Variants in AADAT observed in about 807,000 individuals in gnomAD.
The protein encoded by AADAT is kynurenine/alpha-aminoadipate aminotransferase, mitochondrial.
A neutral mutation model predicts 56.2 loss-of-function variants in AADAT; 25 were observed. The observed-to-expected ratio is 0.44, with a 90% CI of 0.32 to 0.62. The LOEUF is 0.62. Among genes scored for constraint, AADAT ranks in the 20% least tolerant of loss-of-function variants. The probability of loss-of-function intolerance (pLI) is 0.04; values close to 1 mark genes in which losing one functional copy is unlikely to be tolerated. For synonymous variants in AADAT, 173 were observed against 164.7 expected, an observed-to-expected ratio of 1.05 and a Z score of -0.39; for missense variants, 387 against 510.5, an observed-to-expected ratio of 0.76 and a Z score of 2.33.
At chr4:170,076,718 T>TGA (rs1732054415) in intron 4 of AADAT, among the ~76,000 whole-genome samples, 2 of 152,226 alleles carry the variant, frequency 1.3e-5, no homozygotes, top group Non-Finnish European at 2.9e-5. Flanking sequence ...CACTTTTAAA[T>TGA]CTTCAAGTTC....
upstream of AADAT, among the ~76,000 whole-genome samples, chr4:170,092,261 C>T (rs890410090): frequency 2.0e-5 from 3 of 152,246 alleles, no homozygotes; most frequent in Non-Finnish European, 2.9e-5. Flanking sequence ...GTCCACATTG[C>T]TTTTATGAGT....
chr4:170,070,562 GA>G, intron 6 of AADAT, 24 bp downstream of exon 6: 1 of 1,529,602 alleles, frequency 6.5e-7, no homozygotes, highest in South Asian at 1.2e-5. Flanking sequence ...TTCTAATAGT[GA>G]AGTAAGTTCA....
In AADAT at chr4:170,073,119, C is replaced by T. The variant is rs373969473; in HGVS notation, c.654+17G>A. On this transcript the variant is annotated intron_variant, in intron 5 of 12. Transcript: ENST00000337664. Reference sequence around the variant, plus strand: ...GAAACAGGAACACAACTACTTTAACCCATTCTTCTACAATACCTCATAGAT... The same window carrying T: ...GAAACAGGAACACAACTACTTTAACTCATTCTTCTACAATACCTCATAGAT... The T allele has an allele frequency of 8.1e-6, 13 of 1,611,456 alleles. No homozygotes were observed. The African/African-American group carries it at 1.7e-4, about 22-fold the overall frequency.
At chr4:170,061,640 G>A (rs1209682124) in intron 12 of AADAT, among the ~76,000 whole-genome samples, 3 of 152,128 alleles carry the variant, frequency 2.0e-5, no homozygotes, top group Non-Finnish European at 2.9e-5. Context: ...GACAATTTAC[G>A]CAGCTCAGTA....
intron 3 of AADAT, among the ~76,000 whole-genome samples, chr4:170,083,118 C>G (rs1245618015): frequency 1.3e-5 from 2 of 151,286 alleles, no homozygotes; most frequent in African/African-American, 4.9e-5. Flanking sequence ...AATGAAGAGT[C>G]TGCAGAACAG....
rs766683086 is a variant in AADAT at position 170,062,011 on chromosome 4, A to G, written c.1135-18T>C. 6.4e-7 allele frequency: 1 copy of G among 1,564,920 alleles called. No individual in the cohort carries two copies. Among genetic ancestry groups the G allele is most frequent in the African/African-American group, 1.4e-5 (1 of 73,856 alleles). ...ATTAATACCTAAGAGAGTTTGTGGAAGATAAGTAATGTACCACTAAAGAAA... is the reference window on the plus strand; with the variant it reads ...ATTAATACCTAAGAGAGTTTGTGGAGGATAAGTAATGTACCACTAAAGAAA... On this transcript the variant is annotated intron_variant, in intron 11 of 12. Transcript: ENST00000337664.
At chr4:170,073,402 G>GT in intron 4 of AADAT, 57 bp from the exon 5 acceptor site, 1 of 1,377,472 alleles carries the variant, frequency 7.3e-7, no homozygotes, top group Non-Finnish European at 9.5e-7. Flanking sequence ...AAGTGCTATT[G>GT]GTTTTTTTTT....
At chr4:170,079,735 C>T (rs1033188725) in intron 3 of AADAT, among the ~76,000 whole-genome samples, 1 of 152,150 alleles carries the variant, frequency 6.6e-6, no homozygotes, top group African/African-American at 2.4e-5. Context: ...GTGCCATTCA[C>T]TGAAACACAT....
At chr4:170,072,620 A>G (rs2466990) in intron 5 of AADAT, among the ~76,000 whole-genome samples, 85,270 of 152,018 alleles carry the variant, frequency 0.56, 25,526 homozygotes, top group East Asian at 0.96. Context: ...CTTTCCAAAA[A>G]GCACATTTCT....
chr4:170,083,984 T>C (rs1732435160), intron 3 of AADAT, among the ~76,000 whole-genome samples: 1 of 152,150 alleles, frequency 6.6e-6, no homozygotes, highest in African/African-American at 2.4e-5. Flanking sequence ...GGAACCAACC[T>C]AAGTGTCCAT....
rs1235619186 is a variant in AADAT at position 170,064,733 on chromosome 4, C to T, written c.1120G>A (p.Ala374Thr). 2 of 1,606,814 alleles carry T rather than the reference C, an allele frequency of 1.2e-6. No homozygotes were observed. The highest frequency in any genetic ancestry group is 1.7e-6 in the Non-Finnish European group (2 of 1,178,394). ...NDVKELIEEK[A>T]VKMGVLMLPG... Reference sequence around the variant, plus strand: ...CCCAGTTTTACCCCCATCTTAACGGCCTTTTCTTCAATCAGTTCTTTTACA... The same window carrying T: ...CCCAGTTTTACCCCCATCTTAACGGTCTTTTCTTCAATCAGTTCTTTTACA... Residue 374 changes from alanine to threonine, a missense_variant, in exon 11 of 13, where the codon GCC becomes ACC. Transcript: ENST00000337664.
rs116776885 is a variant in AADAT at position 170,067,069 on chromosome 4, C to G, written c.962+258G>C. On this transcript the variant is annotated intron_variant, in intron 9 of 12. Coordinates refer to ENST00000337664, the MANE Select transcript of AADAT (RefSeq NM_016228.4). ...CATTACATCATTTAAGTAAGTAAAT[C>G]TTAACCTGGTGGGAATTTTGGACTA... 6.2e-3 allele frequency among the ~76,000 whole-genome samples: 950 copies of G among 152,232 alleles called. 12 individuals carry two copies. The highest frequency in any genetic ancestry group is 0.021 in the African/African-American group (893 of 41,542).
chr4:170,067,249 T>C, intron 9 of AADAT, 78 bp downstream of exon 9: 2 of 1,060,752 alleles, frequency 1.9e-6, no homozygotes, highest in Non-Finnish European at 2.8e-6. Context: ...GAAGAATAAA[T>C]CAATACTGTA....
chr4:170,075,195 C>A (rs569489802), intron 4 of AADAT, among the ~76,000 whole-genome samples: 35 of 152,138 alleles, frequency 2.3e-4, no homozygotes, highest in Admixed American at 5.2e-4. Context: ...TATGTAGACA[C>A]CGGTTTTACA....
At position 170,068,654 on chromosome 4, in the gene AADAT, G is replaced by A. The variant is rs1205713393; in HGVS notation, c.837C>T (p.Pro279=). 2 of 1,607,144 alleles carry A rather than the reference G, an allele frequency of 1.2e-6. No individual in the cohort carries two copies. Among genetic ancestry groups the A allele is most frequent in the African/African-American group, 2.7e-5 (2 of 74,462 alleles). ...TGTGTAAAATAACTCTCTCTATTAA[G>A]GGTTTTGGACCAGTTAAAAATCCTA... ...LRIGFLTGPK[P]LIERVILHIQ... The change falls in exon 8 of 13, where the codon CCC becomes CCT. Residue 279 remains proline, a synonymous_variant. Coordinates refer to ENST00000337664, the MANE Select transcript of AADAT (RefSeq NM_016228.4).
chr4:170,092,469 C>G (rs538527971), upstream of AADAT, among the ~76,000 whole-genome samples: 3 of 152,236 alleles, frequency 2.0e-5, no homozygotes, highest in Non-Finnish European at 4.4e-5. Context: ...ATCCGAACCT[C>G]AGAAGGAACA....
At position 170,066,077 on chromosome 4, in the gene AADAT, T is replaced by C. The variant is rs1342494433; in HGVS notation, c.1027+337A>G. Among the ~76,000 whole-genome samples the C allele has an allele frequency of 2.6e-5, 4 of 152,154 alleles. No individual in the cohort carries two copies. In the East Asian group the frequency reaches 5.8e-4, roughly 22 times the overall value. On this transcript the variant is annotated intron_variant, in intron 10 of 12. Transcript: ENST00000337664. ...TTTGTACAGCTTAGTTAGAGAAGCA[T>C]GGTTTGACAATTTTACCCTTTGGGG...
chr4:170,069,282 T>C, intron 6 of AADAT, 52 bp from the exon 7 acceptor site: 1 of 1,440,572 alleles, frequency 6.9e-7, no homozygotes, highest in East Asian at 2.3e-5. Flanking sequence ...TGTTAGTCAC[T>C]GTACGATTAT....
intron 5 of AADAT, among the ~76,000 whole-genome samples, chr4:170,071,851 G>A (rs1043609941): frequency 6.6e-6 from 1 of 152,140 alleles, no homozygotes; most frequent in African/African-American, 2.4e-5. Flanking sequence ...TGGGGGATGG[G>A]GGGCAAAGGA....
Sources: allele counts gnomAD v4.1 joint callset (sites outside exome capture counted in the v4.1 genomes callset), GRCh38; gene constraint gnomAD v4.1.1; transcripts MANE v1.5; gene names NCBI Gene and HGNC (gene_info 2026-07-23, HGNC 2026-07-21).